Variants in LNX1 observed in about 807,000 individuals in gnomAD.
The protein encoded by LNX1 is ligand of numb-protein X 1.
Under a neutral mutation model 68.4 loss-of-function variants are expected in LNX1, and 54 were observed. The observed-to-expected ratio is 0.79, with a 90% confidence interval of 0.63 to 0.99. The LOEUF is 0.99. Ranked by LOEUF, LNX1 falls within the 50% of genes least tolerant of loss-of-function variation. LNX1 has a pLI of 0.00. For synonymous variants in LNX1, 336 were observed against 350.0 expected, an observed-to-expected ratio of 0.96 and a Z score of 0.45; for missense variants, 906 against 926.4, an observed-to-expected ratio of 0.98 and a Z score of 0.29.
At chr4:53,589,185 A>G (rs1316550354) in intron 1 of LNX1, among the ~76,000 whole-genome samples, 2 of 152,190 alleles carry the variant, frequency 1.3e-5, no homozygotes, top group African/African-American at 4.8e-5. Context: ...GCCCATGGAG[A>G]ATCACATTTT....
chr4:53,646,449 T>A (rs1399861732), intron 1 of LNX1, among the ~76,000 whole-genome samples: 2 of 152,220 alleles, frequency 1.3e-5, no homozygotes, highest in African/African-American at 4.8e-5. Context: ...TTCCTGTAAT[T>A]ATCTTACTTA....
chr4:53,486,458 TTATTGGCAG>T (rs1724301215), intron 6 of LNX1, among the ~76,000 whole-genome samples: 1 of 152,178 alleles, frequency 6.6e-6, no homozygotes, highest in African/African-American at 2.4e-5. Context: ...GGACTTTAGC[TTATTGGCAG>T]CCTCCTGACA....
intron 2 of LNX1, among the ~76,000 whole-genome samples, chr4:53,611,670 T>A (rs1419046746): frequency 6.6e-6 from 1 of 152,168 alleles, no homozygotes; most frequent in Non-Finnish European, 1.5e-5. Flanking sequence ...CTGCAATTAC[T>A]TTTGCACCAA....
chr4:53,641,475 A>T (rs1423140225), intron 1 of LNX1, among the ~76,000 whole-genome samples: 2 of 152,246 alleles, frequency 1.3e-5, no homozygotes, highest in African/African-American at 2.4e-5. Flanking sequence ...GCTCAGCCAA[A>T]GACGAGAGAA....
At chr4:53,641,416 T>C (rs1457707058) in intron 1 of LNX1, among the ~76,000 whole-genome samples, 1 of 152,216 alleles carries the variant, frequency 6.6e-6, no homozygotes, top group Admixed American at 6.5e-5. Context: ...CACTTCACTC[T>C]AGTAACATTA....
chr4:53,464,684 C>T (rs1289204205), intron 9 of LNX1, among the ~76,000 whole-genome samples: 2 of 152,056 alleles, frequency 1.3e-5, no homozygotes, highest in Non-Finnish European at 2.9e-5. Context: ...CTGCTACTTG[C>T]AGAGGATAAG....
intron 1 of LNX1, among the ~76,000 whole-genome samples, chr4:53,643,096 A>T (rs1405768006): frequency 6.6e-6 from 1 of 152,152 alleles, no homozygotes; most frequent in Non-Finnish European, 1.5e-5. Context: ...AGCTGCCCAC[A>T]ATAAAGAATT....
At chr4:53,478,884 A>G (rs1382728918) in intron 7 of LNX1, 142 bp from the exon 8 acceptor site, 6 of 765,788 alleles carry the variant, frequency 7.8e-6, no homozygotes, top group Admixed American at 2.9e-5. Context: ...CATAAATACA[A>G]TGGTGGTTCT....
At chr4:53,626,068 G>T (rs1734064227) in intron 1 of LNX1, among the ~76,000 whole-genome samples, 1 of 152,140 alleles carries the variant, frequency 6.6e-6, no homozygotes, top group South Asian at 2.1e-4. Context: ...AAAAAGGAAT[G>T]AATATTGACA....
chr4:53,546,505 A>G (rs1299547794), intron 2 of LNX1, among the ~76,000 whole-genome samples: 1 of 152,194 alleles, frequency 6.6e-6, no homozygotes, highest in Non-Finnish European at 1.5e-5. Context: ...TAAAACGATG[A>G]ATGCTTTACT....
At chr4:53,597,631 C>A (rs2109830393) in intron 2 of LNX1, among the ~76,000 whole-genome samples, 1 of 152,262 alleles carries the variant, frequency 6.6e-6, no homozygotes, top group East Asian at 1.9e-4. Context: ...TCTGTGGCTC[C>A]ACACTCTGAG....
chr4:53,609,734 A>T (rs1473299530), intron 2 of LNX1, among the ~76,000 whole-genome samples: 1 of 141,682 alleles, frequency 7.1e-6, no homozygotes, highest in Non-Finnish European at 1.5e-5. Flanking sequence ...AATATATAAT[A>T]TACTATTATA....
chr4:53,535,262 C>G (rs1174918312), intron 2 of LNX1, among the ~76,000 whole-genome samples: 4 of 152,168 alleles, frequency 2.6e-5, no homozygotes, highest in Non-Finnish European at 4.4e-5. Context: ...GGAGACCAGG[C>G]TTTGTTGTTT....
chr4:53,521,978 A>T (rs112810733), intron 2 of LNX1, among the ~76,000 whole-genome samples: 2 of 151,682 alleles, frequency 1.3e-5, no homozygotes, highest in Non-Finnish European at 2.9e-5. Flanking sequence ...TTTTTCATTA[A>T]TTTTTTTGTA....
intron 9 of LNX1, among the ~76,000 whole-genome samples, chr4:53,468,814 A>G (rs1239990721): frequency 6.6e-6 from 1 of 152,232 alleles, no homozygotes; most frequent in Non-Finnish European, 1.5e-5. Context: ...TATGCACCCA[A>G]TACAGGAGCA....
upstream of LNX1, chr4:53,593,739 A>T (rs1010596567): frequency 6.6e-6 from 1 of 152,010 alleles, no homozygotes; most frequent in African/African-American, 2.4e-5. Context: ...CTAGAAAAAA[A>T]TGTAATCATA....
intron 2 of LNX1, among the ~76,000 whole-genome samples, chr4:53,533,305 T>A (rs1728142410): frequency 6.6e-6 from 1 of 152,096 alleles, no homozygotes; most frequent in Non-Finnish European, 1.5e-5. Flanking sequence ...AAAAATAGAA[T>A]CCTGGGCCCC....
chr4:53,586,805 T>C (rs1451819173), intron 1 of LNX1, among the ~76,000 whole-genome samples: 1 of 152,236 alleles, frequency 6.6e-6, no homozygotes, highest in Non-Finnish European at 1.5e-5. Flanking sequence ...GAAATTCTTT[T>C]TAGAATATAA....
At chr4:53,567,883 C>G (rs1437368673) in intron 2 of LNX1, among the ~76,000 whole-genome samples, 41 of 152,002 alleles carry the variant, frequency 2.7e-4, no homozygotes, top group Non-Finnish European at 4.4e-4. Flanking sequence ...TGCAAATAAA[C>G]TAGAAAATCT....
Sources: gnomAD v4.1 joint callset for allele counts (sites outside exome capture counted in the v4.1 genomes callset) on GRCh38, gnomAD v4.1.1 for gene constraint, MANE v1.5 for transcripts, NCBI Gene and HGNC (gene_info 2026-07-23, HGNC 2026-07-21) for gene names.